LDHD: variants seen among roughly 807,000 people sequenced by gnomAD.
The protein encoded by LDHD is lactate dehydrogenase D, also known as D-lactate dehydrogenase, mitochondrial.
In LDHD, 58 loss-of-function variants were observed where a neutral mutation model predicts 52.9. The observed-to-expected ratio is 1.10, with a 90% CI of 0.89 to 1.36. LDHD has a LOEUF of 1.36. LDHD is among the 40% of genes most tolerant of loss of function. The pLI is 0.00. For missense variants in LDHD, 747 were observed against 668.0 expected, an observed-to-expected ratio of 1.12 and a Z score of -1.30; for synonymous variants, 350 against 288.6, an observed-to-expected ratio of 1.21 and a Z score of -2.16.
At position 75,116,684 on chromosome 16, in the gene LDHD, ACAG is replaced by A. The variant is rs1285963834; in HGVS notation, c.34_36del (p.Leu12del). 6.2e-7 allele frequency: 1 copy of A among 1,603,766 alleles called. No individual in the cohort carries two copies. The highest frequency in any genetic ancestry group is 1.1e-5 in the South Asian group (1 of 89,102). On this transcript the variant is annotated inframe_deletion, in exon 1 of 11. Coordinates refer to ENST00000450168, the MANE Select transcript of LDHD (RefSeq NM_194436.3). ...TGGGAGCAGTAGCCCCTCCAGGGGA[ACAG>A]CTCCCAGGTTGCAGACCTGAGCAGT...
intron 1 of LDHD, 148 bp from the exon 2 acceptor site, chr16:75,115,808 C>A (rs1463348792): frequency 7.0e-6 from 4 of 569,430 alleles, no homozygotes; most frequent in East Asian, 5.8e-5. Flanking sequence ...GCCAGGTGGG[C>A]CCACTTTAAA....
intron 1 of LDHD, among the ~76,000 whole-genome samples, chr16:75,116,303 G>A (rs1359250596): frequency 6.6e-6 from 1 of 152,174 alleles, no homozygotes; most frequent in African/African-American, 2.4e-5. Flanking sequence ...GCGGGGCGGG[G>A]GATGTGTTTC....
Position 75,116,722 on chromosome 16 carries a change from G to A in LDHD, c.-2C>T, listed in dbSNP as rs776666035. ...TGCAGACCTGAGCAGTCGGGCCATA[G>A]CCAGGCACTGGCCAGAGGGTGTGAG... On this transcript the variant is annotated 5_prime_UTR_variant, in exon 1 of 11. Transcript: ENST00000450168. The A allele has an allele frequency of 6.3e-7, 1 of 1,584,788 alleles. No individual in the cohort carries two copies. Among genetic ancestry groups the A allele is most frequent in the South Asian group, 1.2e-5 (1 of 86,624 alleles).
At chr16:75,114,504 G>GC (rs1416384862) in intron 5 of LDHD, 22 bp downstream of exon 5, 22 of 1,490,504 alleles carry the variant, frequency 1.5e-5, no homozygotes, top group African/African-American at 2.8e-5. Flanking sequence ...CAGAGCCCGG[G>GC]CCCCCCGCAG....
chr16:75,113,460 C>A (rs1473070926), intron 8 of LDHD, 75 bp downstream of exon 8: 4 of 1,503,790 alleles, frequency 2.7e-6, no homozygotes, highest in Non-Finnish European at 8.9e-7. Flanking sequence ...CTGCTCTGTG[C>A]AGTAGAGTGG....
chr16:75,115,001 C>G (rs970420118), intron 3 of LDHD, 33 bp from the exon 4 acceptor site: 1 of 1,591,350 alleles, frequency 6.3e-7, no homozygotes. Flanking sequence ...CCACTGCAGA[C>G]CTGGGTCTCT....
Position 75,114,682 on chromosome 16 carries a change from G to C in LDHD, c.473C>G (p.Pro158Arg), listed in dbSNP as rs941345944. The change falls in exon 5 of 11, where the codon CCA becomes CGA. Residue 158 changes from proline to arginine, a missense_variant. Physicochemically the swap from Pro to Arg is moderately radical, Grantham distance 103 (BLOSUM62 -2). Coordinates refer to ENST00000450168, the MANE Select transcript of LDHD (RefSeq NM_194436.3). ...GCCACAGAGAGAGGCGTCCGCGCCT[G>C]GGTCTGGAGGGCGGCGTACAGAAGG... ...RDSGLWFPVD[P>R]GADASLCGMA... 4 of 1,532,740 alleles carry C rather than the reference G, an allele frequency of 2.6e-6. No homozygotes were observed. The East Asian group carries it at 7.3e-5, about 28-fold the overall frequency. The allele number at this position is 1,532,740 out of a possible 1,614,324, so 94.9% of individuals were successfully genotyped here. A position where few individuals can be genotyped will look rare whatever the true frequency, so the allele number is the denominator to read the frequency against.
chr16:75,113,727 T>G lies in LDHD; in HGVS notation c.958+15A>C. Reference sequence around the variant, plus strand: ...GAGGCAGCCCACCCTGCTGCCCCACTCCACCCCAGCATACCTGTGCGCTGC... The same window carrying G: ...GAGGCAGCCCACCCTGCTGCCCCACGCCACCCCAGCATACCTGTGCGCTGC... On this transcript the variant is annotated intron_variant, in intron 7 of 10. Coordinates refer to ENST00000450168, the MANE Select transcript of LDHD (RefSeq NM_194436.3). 5 of 1,613,022 alleles carry G rather than the reference T, an allele frequency of 3.1e-6. No homozygotes were observed. The highest frequency in any genetic ancestry group is 4.2e-6 in the Non-Finnish European group (5 of 1,179,682).
In LDHD at chr16:75,112,743, C is replaced by A; in HGVS notation, c.1178-30G>T. On this transcript the variant is annotated intron_variant, in intron 9 of 10. Transcript: ENST00000450168. ...GGGCCCAGAGGACAGAACTATTCTC[C>A]AGCCCAGTCCTCCTCTTGCCTCCTG... 3 of 1,603,946 alleles carry A rather than the reference C, an allele frequency of 1.9e-6. No individual in the cohort carries two copies. The Admixed American group carries it at 5.0e-5, about 27-fold the overall frequency.
At chr16:75,115,502 G>T in intron 2 of LDHD, 46 bp downstream of exon 2, 1 of 1,592,124 alleles carries the variant, frequency 6.3e-7, no homozygotes, top group Non-Finnish European at 8.6e-7. Context: ...TCTCAGCTGG[G>T]GTTGAATCCA....
rs2036410846 is a variant in LDHD, at chr16:75,112,285, G to A, written c.*71C>T. ...CAGCATCTATTTCCTTGCAGGGGCCGTGGCATGAAGAAAAGTTCCAGAACC... is the reference window on the plus strand; with the variant it reads ...CAGCATCTATTTCCTTGCAGGGGCCATGGCATGAAGAAAAGTTCCAGAACC... On this transcript the variant is annotated 3_prime_UTR_variant, in exon 11 of 11. Coordinates refer to ENST00000450168, the MANE Select transcript of LDHD (RefSeq NM_194436.3). The A allele has an allele frequency of 1.1e-5, 17 of 1,509,278 alleles. No homozygotes were observed. The highest frequency in any genetic ancestry group is 2.5e-5 in the South Asian group (2 of 79,432). The allele number at this position is 1,509,278 out of a possible 1,614,324, so 93.5% of individuals were successfully genotyped here. A position where few individuals can be genotyped will look rare whatever the true frequency, so the allele number is the denominator to read the frequency against.
Position 75,112,886 on chromosome 16 carries a change from C to T in LDHD, c.1125G>A (p.Leu375=). The T allele has an allele frequency of 6.2e-7, 1 of 1,613,078 alleles. No individual in the cohort carries two copies. The highest frequency in any genetic ancestry group is 8.5e-7 in the Non-Finnish European group (1 of 1,179,958). The part of the protein sequence containing the change: ...STDVCVPISR[L]PEIVVQTKED... ...CCTTGGTCTGCACCACGATCTCCGGCAGCCGGGAGATGGGCACACACACAT... is the reference window on the plus strand; with the variant it reads ...CCTTGGTCTGCACCACGATCTCCGGTAGCCGGGAGATGGGCACACACACAT... Residue 375 remains leucine (L), a synonymous_variant, in exon 9 of 11, where the codon CTG becomes CTA. Transcript: ENST00000450168.
chr16:75,115,393 G>A (rs2036526714), intron 2 of LDHD, 54 bp from the exon 3 acceptor site: 2 of 1,607,974 alleles, frequency 1.2e-6, no homozygotes, highest in African/African-American at 1.3e-5. Flanking sequence ...TGGTCCCGAG[G>A]TGTTGCAGGG....
At chr16:75,116,359 C>T (rs946872111) in intron 1 of LDHD, among the ~76,000 whole-genome samples, 1 of 152,196 alleles carries the variant, frequency 6.6e-6, no homozygotes, top group Admixed American at 6.5e-5. Context: ...AAGGACAGAG[C>T]CTGGCCTGGA....
In LDHD at chr16:75,112,608, A is replaced by T. The variant is rs1208462832; in HGVS notation, c.1283T>A (p.Leu428Gln). 6.2e-7 allele frequency: 1 copy of T among 1,613,910 alleles called. No individual in the cohort carries two copies. Among genetic ancestry groups the T allele is most frequent in the Admixed American group, 1.7e-5 (1 of 60,000 alleles). ...TCCCTGGCTTTGCTCCTACCTGCCC[A>T]GCTGTTCTGCAAAAGCCTTGACCCT... The part of the protein sequence containing the change: ...LGRVKAFAEQ[L>Q]GRRALALHGT... The change falls in exon 10 of 11, where the codon CTG becomes CAG. Residue 428 changes from leucine to glutamine, a missense_variant. Coordinates refer to ENST00000450168, the MANE Select transcript of LDHD (RefSeq NM_194436.3).
Position 75,115,219 on chromosome 16 carries a change from C to T in LDHD, c.306G>A (p.Glu102=). The change falls in exon 3 of 11, where the codon GAG becomes GAA. Residue 102 remains glutamate (E), a synonymous_variant. Coordinates refer to ENST00000450168, the MANE Select transcript of LDHD (RefSeq NM_194436.3). ...IIPFGTGTGL[E]GGVCAVQGGV... is the part of the protein sequence containing the mutation. ...GTACCTGCACAGCACAGACGCCACC[C>T]TCAAGCCCGGTGCCGGTGCCGAATG... The T allele has an allele frequency of 6.2e-7, 1 of 1,613,016 alleles. No individual in the cohort carries two copies. The highest frequency in any genetic ancestry group is 8.5e-7 in the Non-Finnish European group (1 of 1,180,012).
intron 8 of LDHD, 75 bp from the exon 9 acceptor site, chr16:75,112,999 G>T: frequency 9.4e-7 from 1 of 1,062,414 alleles, no homozygotes; most frequent in Non-Finnish European, 1.4e-6. Context: ...GGCTGAGGAT[G>T]GGTCGGAGGG....
chr16:75,116,567 G>C (rs1567505723), intron 1 of LDHD, 82 bp downstream of exon 1: 1 of 1,201,988 alleles, frequency 8.3e-7, no homozygotes, highest in East Asian at 2.4e-5. Flanking sequence ...GCGTCACAGA[G>C]CCCAGGAAAC....
At chr16:75,114,369 C>T (rs1199017770) in intron 5 of LDHD, 157 bp downstream of exon 5, 2 of 1,379,144 alleles carry the variant, frequency 1.5e-6, no homozygotes, top group African/African-American at 2.9e-5. Flanking sequence ...TGGTCCCATC[C>T]ACTTTGGCCC....
Sources: allele counts gnomAD v4.1 joint callset (sites outside exome capture counted in the v4.1 genomes callset), GRCh38; gene constraint gnomAD v4.1.1; transcripts MANE v1.5; gene names NCBI Gene and HGNC (gene_info 2026-07-23, HGNC 2026-07-21).